USP9X: variants seen among roughly 807,000 people sequenced by gnomAD.
USP9X encodes ubiquitin carboxyl-terminal hydrolase 9X.
Under a neutral mutation model 190.3 loss-of-function variants are expected in USP9X, and 7 were observed. The observed-to-expected ratio is 0.04, with a 90% confidence interval of 0.02 to 0.07. The LOEUF (loss-of-function observed/expected upper bound fraction) is 0.07. Ranked by LOEUF, USP9X falls within the 10% of genes least tolerant of loss-of-function variation. The probability of loss-of-function intolerance (pLI) is 1.00; values close to 1 mark genes in which losing one functional copy is unlikely to be tolerated. For missense variants in USP9X, 1,010 were observed against 1,916.9 expected (o/e 0.53, Z 8.83); for synonymous variants, 645 against 659.5 (o/e 0.98, Z 0.34).
intron 5 of USP9X, among the ~76,000 whole-genome samples, chrX:41,136,421 A>G (rs1014980145): frequency 1.8e-5 from 2 of 112,516 alleles, no homozygotes; most frequent in African/African-American, 6.5e-5. Context: ...TCAGCCTCCC[A>G]AAGTGTTGGG....
chrX:41,189,223 A>G (rs2062909674), intron 25 of USP9X, 86 bp from the exon 26 acceptor site: 1 of 998,200 alleles, frequency 1.0e-6, no homozygotes. Flanking sequence ...AAGTGAGCAG[A>G]TGAGTTTTAA....
Position 41,217,983 on chromosome X carries a change from C to T in USP9X, c.6210-389C>T, listed in dbSNP as rs182696738. Among the ~76,000 whole-genome samples, 743 of 111,846 alleles carry T rather than the reference C, an allele frequency of 6.6e-3. 1 individual carries two copies. Among genetic ancestry groups the T allele is most frequent in the Non-Finnish European group, 9.6e-3 (508 of 53,128 alleles). On this transcript the variant is annotated intron_variant, in intron 36 of 44. Transcript: ENST00000378308. ...GCTTACCTAGATTGAATTCTGACAC[C>T]GATTAAAAGGGTAAAAAATTAAAAT...
chrX:41,090,600 A>G (rs979440403), intron 1 of USP9X, among the ~76,000 whole-genome samples: 1 of 112,386 alleles, frequency 8.9e-6, no homozygotes, highest in Non-Finnish European at 1.9e-5. Context: ...CTGTGTATCA[A>G]TCATCTGTGG....
chrX:41,193,146 C>T (rs1019063528), intron 26 of USP9X, among the ~76,000 whole-genome samples: 1 of 110,477 alleles, frequency 9.1e-6, no homozygotes, highest in East Asian at 2.8e-4. Flanking sequence ...CGGTAGGGGA[C>T]GGGGACAGTT....
intron 2 of USP9X, among the ~76,000 whole-genome samples, chrX:41,124,649 A>C (rs762003013): frequency 5.1e-4 from 57 of 111,560 alleles, no homozygotes; most frequent in African/African-American, 1.7e-3. Context: ...ACCCATCATA[A>C]ATCATGACAC....
chrX:41,106,873 C>CTTTCT (rs1237747366), intron 1 of USP9X, among the ~76,000 whole-genome samples: 2 of 93,342 alleles, frequency 2.1e-5, no homozygotes, highest in Non-Finnish European at 4.2e-5. Flanking sequence ...AGTTTTCTTT[C>CTTTCT]TTTCTTTTCT....
At chrX:41,232,219 T>TTTTTTGTTTTTGTTTTTG (rs56699343) in intron 44 of USP9X, among the ~76,000 whole-genome samples, 168 bp from the exon 45 acceptor site, 4 of 103,029 alleles carry the variant, frequency 3.9e-5, no homozygotes, top group African/African-American at 1.4e-4. Context: ...TTTCAAGCCT[T>TTTTTTGTTTTTGTTTTTG]TTTTTGTTTT....
At position 41,232,375 on chromosome X, in the gene USP9X, C is replaced by T; in HGVS notation, c.7528-12C>T. On this transcript the variant is annotated splice_polypyrimidine_tract_variant and intron_variant, in intron 44 of 44. Coordinates refer to ENST00000378308, the MANE Select transcript of USP9X (RefSeq NM_001039591.3). Reference sequence around the variant, plus strand: ...AAAAGTTTTAACATACAGATCTTTTCTCCTTTCCCAGAATAACCATGTGCA... The same window carrying T: ...AAAAGTTTTAACATACAGATCTTTTTTCCTTTCCCAGAATAACCATGTGCA... 8.3e-7 allele frequency: 1 copy of T among 1,200,976 alleles called. No individual in the cohort carries two copies. The highest frequency in any genetic ancestry group is 1.1e-6 in the Non-Finnish European group (1 of 890,426).
At chrX:41,094,280 G>C (rs1181046234) in intron 1 of USP9X, among the ~76,000 whole-genome samples, 3 of 108,748 alleles carry the variant, frequency 2.8e-5, no homozygotes, top group African/African-American at 1.0e-4. Flanking sequence ...GGGTTCAAGT[G>C]ATTCTCCAGC....
intron 2 of USP9X, among the ~76,000 whole-genome samples, chrX:41,124,369 G>A (rs1190995606): frequency 9.2e-6 from 1 of 108,673 alleles, no homozygotes; most frequent in South Asian, 4.0e-4. Context: ...CCCTTGAACC[G>A]GGAGGCAGAG....
chrX:41,091,112 G>A (rs749129651), intron 1 of USP9X, among the ~76,000 whole-genome samples: 1 of 111,061 alleles, frequency 9.0e-6, no homozygotes, highest in South Asian at 3.8e-4. Flanking sequence ...TTTAGTGCTA[G>A]TTTTCTGGCA....
chrX:41,156,358 G>A (rs1398356366), intron 14 of USP9X, among the ~76,000 whole-genome samples: 2 of 111,941 alleles, frequency 1.8e-5, no homozygotes, highest in Non-Finnish European at 3.8e-5. Flanking sequence ...GTCTAGGGCT[G>A]TAGTTTGACC....
At chrX:41,140,507 T>G in intron 6 of USP9X, 149 bp from the exon 7 acceptor site, 1 of 429,812 alleles carries the variant, frequency 2.3e-6, no homozygotes, top group Admixed American at 4.4e-5. Flanking sequence ...ATGGAATTAC[T>G]ATGAACAAAA....
intron 1 of USP9X, among the ~76,000 whole-genome samples, chrX:41,096,005 AAAGCAAAACACCTCTAT>A (rs1326805538): frequency 8.9e-6 from 1 of 112,212 alleles, no homozygotes; most frequent in Admixed American, 9.4e-5. Flanking sequence ...ACTGAGCTAA[AAAGCAAAACACCTCTAT>A]TGTCTTCCTT....
chrX:41,089,903 G>GTTTTTTTTTTTTTTTTT (rs139093155), intron 1 of USP9X, among the ~76,000 whole-genome samples: 2 of 30,326 alleles, frequency 6.6e-5, no homozygotes. Flanking sequence ...ATCTATGAGG[G>GTTTTTTTTTTTTTTTTT]TTTTTTTTTT....
intron 14 of USP9X, 104 bp from the exon 15 acceptor site, chrX:41,162,686 A>T: frequency 1.7e-6 from 1 of 573,957 alleles, no homozygotes; most frequent in Non-Finnish European, 2.5e-6. Context: ...TTTTAATGAT[A>T]AAGGATTAGT....
chrX:41,180,841 T>C (rs2062818751), intron 21 of USP9X, among the ~76,000 whole-genome samples: 1 of 112,215 alleles, frequency 8.9e-6, no homozygotes, highest in African/African-American at 3.2e-5. Flanking sequence ...ATACAATCTT[T>C]TGTAAAAGTC....
intron 32 of USP9X, among the ~76,000 whole-genome samples, chrX:41,207,540 CCTTTGA>C (rs1377328429): frequency 5.4e-5 from 6 of 111,937 alleles, no homozygotes; most frequent in South Asian, 3.7e-4. Flanking sequence ...TATCTTGTTT[CCTTTGA>C]CTTTAAGTCA....
At chrX:41,126,826 C>T (rs997003542) in intron 2 of USP9X, among the ~76,000 whole-genome samples, 1 of 111,333 alleles carries the variant, frequency 9.0e-6, no homozygotes, top group Admixed American at 9.6e-5. Flanking sequence ...ATTTAGGGCT[C>T]GCTTTTTGGA....
Sources: gnomAD v4.1 joint callset for allele counts (sites outside exome capture counted in the v4.1 genomes callset) on GRCh38, gnomAD v4.1.1 for gene constraint, MANE v1.5 for transcripts, NCBI Gene and HGNC (gene_info 2026-07-23, HGNC 2026-07-21) for gene names.